The following GTF3C1 variants were observed in gnomAD, a reference collection of about 807,000 sequenced individuals.
GTF3C1 encodes the protein general transcription factor IIIC subunit 1, also known as general transcription factor 3C polypeptide 1.
In GTF3C1, 57 loss-of-function variants were observed where a neutral mutation model predicts 226.7. The ratio of observed to expected loss-of-function variants is 0.25; its 90% confidence interval spans 0.20 to 0.31. The LOEUF (loss-of-function observed/expected upper bound fraction) is 0.31, where lower values mean the gene tolerates loss of function less well. Ranked by LOEUF, GTF3C1 falls within the 10% of genes least tolerant of loss-of-function variation. GTF3C1 has a pLI of 1.00. For synonymous variants in GTF3C1, 1,090 were observed against 1,084.8 expected, an observed-to-expected ratio of 1.00 and a Z score of -0.09; for missense variants, 2,217 against 2,776.1, an observed-to-expected ratio of 0.80 and a Z score of 4.53.
rs763175538 is a variant in GTF3C1 at position 27,506,002 on chromosome 16, G to C, written c.1667C>G (p.Thr556Ser). 6.2e-7 allele frequency: 1 copy of C among 1,612,752 alleles called. No individual in the cohort carries two copies. The highest frequency in any genetic ancestry group is 2.2e-5 in the East Asian group (1 of 44,876). ...CACGTTGGGTTCTGAGACGCTGCTG[G>C]TATCTAAGAGGCTGTCCCTGCTGGC... ...SLASRDSLLD[T>S]SSVSEPNVSF... The change falls in exon 10 of 37, where the codon ACC (threonine) becomes AGC (serine). Residue 556 changes from threonine to serine, a missense_variant. Transcript: ENST00000356183.
chr16:27,461,006 A>C lies in GTF3C1; in HGVS notation c.*344T>G. 1.4e-5 allele frequency: 3 copies of C among 209,186 alleles called. No individual in the cohort carries two copies. The highest frequency in any genetic ancestry group is 1.9e-5 in the Non-Finnish European group (2 of 103,106). 13.0% of individuals were successfully genotyped at this position (209,186 alleles called of 1,614,324 possible). A position where few individuals can be genotyped will look rare whatever the true frequency, so the allele number is the denominator to read the frequency against. ...GTGGCACCTGGGCACTCAAGGAGCCAGGAGATCCTGCCGAGATGGCTAGAG... is the reference window on the plus strand; with the variant it reads ...GTGGCACCTGGGCACTCAAGGAGCCCGGAGATCCTGCCGAGATGGCTAGAG... On this transcript the variant is annotated 3_prime_UTR_variant, in exon 37 of 37. Transcript: ENST00000356183. The surrounding 1 kb of genome is among the most constrained non-coding windows in gnomAD (Gnocchi z 5.3).
At chr16:27,467,519 C>T (rs911199825) in intron 32 of GTF3C1, among the ~76,000 whole-genome samples, 1 of 152,204 alleles carries the variant, frequency 6.6e-6, no homozygotes, top group Non-Finnish European at 1.5e-5. Flanking sequence ...ACACAACATC[C>T]ATTCTGTACC....
chr16:27,506,939 C>T lies in GTF3C1; in HGVS notation c.1460G>A (p.Ser487Asn), dbSNP rs2088494808. 4.3e-6 allele frequency: 7 copies of T among 1,613,750 alleles called. No individual in the cohort carries two copies. Among genetic ancestry groups the T allele is most frequent in the African/African-American group, 1.3e-5 (1 of 74,864 alleles). Residue 487 changes from serine to asparagine, a missense_variant, in exon 9 of 37, where the codon AGC (serine) becomes AAC (asparagine). By Grantham distance (46) the Ser-to-Asn change is conservative. Around this residue, in one of 12 missense-constraint regions of GTF3C1, gnomAD observed 173 missense variants for 207.2 expected, o/e 0.83. Transcript: ENST00000356183. ...CTGGGACCCTCTGCCTCTCCGCTTG[C>T]TGCTGCTCCTCTCCTCCTCACTGTC... ...ESDSEEERSS[S>N]KRRGRGSQKD...
At position 27,492,753 on chromosome 16, in the gene GTF3C1, A is replaced by C. The variant is rs1211573159; in HGVS notation, c.2877-40T>G. On this transcript the variant is annotated intron_variant, in intron 17 of 36. Transcript: ENST00000356183. This position sits in a 1 kb window ranked among gnomAD's most constrained non-coding sequence, Gnocchi z 5.0. ...GGGCGGGAGGTTCTCATCACACCAC[A>C]CTCGCAGCCGGCCGCAGGGGTCTGC... The C allele has an allele frequency of 9.0e-7, 1 of 1,107,160 alleles. No homozygotes were observed. The highest frequency in any genetic ancestry group is 2.3e-5 in the East Asian group (1 of 42,596). The allele number at this position is 1,107,160 out of a possible 1,614,324, so 68.6% of individuals were successfully genotyped here. A position where few individuals can be genotyped will look rare whatever the true frequency, so the allele number is the denominator to read the frequency against.
Position 27,507,788 on chromosome 16 carries a change from G to A in GTF3C1, c.1243-632C>T, listed in dbSNP as rs2088509737. Among the ~76,000 whole-genome samples the A allele has an allele frequency of 6.6e-6, 1 of 152,254 alleles. No homozygotes were observed. Among genetic ancestry groups the A allele is most frequent in the Non-Finnish European group, 1.5e-5 (1 of 68,040 alleles). On this transcript the variant is annotated intron_variant, in intron 8 of 36. Coordinates refer to ENST00000356183, the MANE Select transcript of GTF3C1 (RefSeq NM_001520.4). This position sits in a 1 kb window ranked among gnomAD's most constrained non-coding sequence, Gnocchi z 4.9. ...ATGAGAGTGGCATGTCAGGGGCTGA[G>A]ACCACAGGTCTGAATTACAAAAGAG...
At position 27,486,105 on chromosome 16, in the gene GTF3C1, G is replaced by A. The variant is rs776347540; in HGVS notation, c.3750C>T (p.Ala1250=). 8.1e-6 allele frequency: 13 copies of A among 1,606,668 alleles called. No individual in the cohort carries two copies. Among genetic ancestry groups the A allele is most frequent in the African/African-American group, 6.7e-5 (5 of 74,744 alleles). Residue 1250 remains alanine (A), a synonymous_variant, in exon 24 of 37, where the codon GCC becomes GCT. Transcript: ENST00000356183. The part of the protein sequence containing the change: ...KSKRLRYHDE[A]DQSALQRMTR... ...TCATCCGCTGCAGGGCACTCTGGTC[G>A]GCTTCATCATGGTAGCGCAGCCTTT...
chr16:27,549,826 G>T lies in GTF3C1; in HGVS notation c.65C>A (p.Pro22Gln), dbSNP rs1216553920. 6.2e-7 allele frequency: 1 copy of T among 1,612,928 alleles called. No individual in the cohort carries two copies. Among genetic ancestry groups the T allele is most frequent in the Non-Finnish European group, 8.5e-7 (1 of 1,179,866 alleles). Residue 22 changes from proline (P) to glutamine (Q), a missense_variant, in exon 1 of 37, where the codon CCA becomes CAA. This residue lies in a region of GTF3C1 where 192 missense variants were observed against 251.8 expected (regional missense o/e 0.76). Transcript: ENST00000356183. ...CGTCTCCAGCCGGCTCCACAGCGCT[G>T]GCAGACACAGGCCATCGAGCCCCTC... ...ALEGLDGLCL[P>Q]ALWSRLETRV...
chr16:27,483,294 C>T (rs2088084894), intron 25 of GTF3C1, 169 bp from the exon 26 acceptor site: 1 of 709,796 alleles, frequency 1.4e-6, no homozygotes, highest in African/African-American at 1.8e-5. Context: ...GATTTGGGGT[C>T]AGCCAAGCCT....
chr16:27,493,541 A>G (rs1330848886), intron 16 of GTF3C1, among the ~76,000 whole-genome samples: 1 of 152,322 alleles, frequency 6.6e-6, no homozygotes, highest in African/African-American at 2.4e-5. Context: ...TGGTAGGCAT[A>G]GAAATTGCTA....
intron 13 of GTF3C1, 86 bp from the exon 14 acceptor site, chr16:27,497,907 C>T (rs1287591393): frequency 2.0e-5 from 22 of 1,118,568 alleles, no homozygotes; most frequent in Non-Finnish European, 2.4e-5. Flanking sequence ...GAATCAGATA[C>T]AGCCTCTTGG....
rs1356893482 is a variant in GTF3C1, at chr16:27,549,671, G to T, written c.220C>A (p.Arg74=). Reference sequence around the variant, plus strand: ...CGCCAGGCCAGGCCGCCCGCTGACCGGTCCTGGAGCTGTAGGTCGGGTCGC... The same window carrying T: ...CGCCAGGCCAGGCCGCCCGCTGACCTGTCCTGGAGCTGTAGGTCGGGTCGC... The part of the protein sequence containing the change: ...RERPDLQLQD[R]YEEIDLETGI... The change falls in exon 1 of 37, where the codon CGG becomes AGG. Residue 74 remains arginine, a splice_region_variant and synonymous_variant. Transcript: ENST00000356183. 1.0e-5 allele frequency: 10 copies of T among 992,646 alleles called. No individual in the cohort carries two copies. The highest frequency in any genetic ancestry group is 1.4e-5 in the Non-Finnish European group (10 of 711,930). The allele number at this position is 992,646 out of a possible 1,614,324, so 61.5% of individuals were successfully genotyped here. A position where few individuals can be genotyped will look rare whatever the true frequency, so the allele number is the denominator to read the frequency against.
chr16:27,470,749 T>C lies in GTF3C1; in HGVS notation c.4527-354A>G, dbSNP rs1041423602. On this transcript the variant is annotated intron_variant, in intron 30 of 36. Coordinates refer to ENST00000356183, the MANE Select transcript of GTF3C1 (RefSeq NM_001520.4). This position sits in a 1 kb window ranked among gnomAD's most constrained non-coding sequence, Gnocchi z 4.9. ...GTGAACACGCTTTCTGTAATAATAG[T>C]CTCCGCACAAAGCCAGCCCTGGTCT... 1.9e-5 allele frequency: 5 copies of C among 260,930 alleles called. No homozygotes were observed. Among genetic ancestry groups the C allele is most frequent in the Non-Finnish European group, 3.0e-5 (4 of 135,022 alleles). 16.2% of individuals were successfully genotyped at this position (260,930 alleles called of 1,614,324 possible). A position where few individuals can be genotyped will look rare whatever the true frequency, so the allele number is the denominator to read the frequency against.
At position 27,498,737 on chromosome 16, in the gene GTF3C1, G is replaced by C. The variant is rs1200735752; in HGVS notation, c.2062-4C>G. ...ACGGGTGCACCACCAGATCCACCTG[G>C]AGAGAGAGGTTGGAGCATCCCACAG... On this transcript the variant is annotated splice_polypyrimidine_tract_variant and splice_region_variant and intron_variant, in intron 12 of 36. Transcript: ENST00000356183. 6.7e-7 allele frequency: 1 copy of C among 1,482,282 alleles called. No individual in the cohort carries two copies. The highest frequency in any genetic ancestry group is 9.4e-7 in the Non-Finnish European group (1 of 1,059,790). The allele number at this position is 1,482,282 out of a possible 1,614,324, so 91.8% of individuals were successfully genotyped here.
chr16:27,462,236 G>C lies in GTF3C1; in HGVS notation c.6117+58C>G. 1 of 1,245,548 alleles carries C rather than the reference G, an allele frequency of 8.0e-7. No individual in the cohort carries two copies. Among genetic ancestry groups the C allele is most frequent in the South Asian group, 1.3e-5 (1 of 74,470 alleles). 77.2% of individuals were successfully genotyped at this position (1,245,548 alleles called of 1,614,324 possible). A position where few individuals can be genotyped will look rare whatever the true frequency, so the allele number is the denominator to read the frequency against. On this transcript the variant is annotated intron_variant, in intron 36 of 36. Transcript: ENST00000356183. The surrounding 1 kb of genome is among the most constrained non-coding windows in gnomAD (Gnocchi z 4.5). ...GCCTGGGGCCTGAACATCACAGCCG[G>C]GCCACTGAGTGCACCCAGCCGCCTC...
chr16:27,483,402 C>T lies in GTF3C1; in HGVS notation c.4002-277G>A, dbSNP rs868265485. 2.4e-5 allele frequency: 14 copies of T among 579,106 alleles called. No homozygotes were observed. In the Middle Eastern group the frequency reaches 3.5e-3, roughly 143 times the overall value. 35.9% of individuals were successfully genotyped at this position (579,106 alleles called of 1,614,324 possible). On this transcript the variant is annotated intron_variant, in intron 25 of 36. Coordinates refer to ENST00000356183, the MANE Select transcript of GTF3C1 (RefSeq NM_001520.4). ...ACACTGAGTCCCAAACTGTCTCTCACAGGGGTTTGTCCAGGACCATATGGG... is the reference window on the plus strand; with the variant it reads ...ACACTGAGTCCCAAACTGTCTCTCATAGGGGTTTGTCCAGGACCATATGGG...
chr16:27,482,410 T>C, intron 26 of GTF3C1: 1 of 448,624 alleles, frequency 2.2e-6, no homozygotes, highest in Non-Finnish European at 4.5e-6. Context: ...AAAGCATTGC[T>C]GAGCCTCCTC....
intron 2 of GTF3C1, 87 bp from the exon 3 acceptor site, chr16:27,538,443 C>G: frequency 1.2e-6 from 1 of 808,142 alleles, no homozygotes; most frequent in Non-Finnish European, 1.9e-6. Flanking sequence ...GCAGAATCCT[C>G]ATTTCCTGCT....
intron 4 of GTF3C1, among the ~76,000 whole-genome samples, chr16:27,533,835 A>C (rs902168035): frequency 6.6e-6 from 1 of 152,204 alleles, no homozygotes; most frequent in East Asian, 1.9e-4. Flanking sequence ...GTGAAAACCT[A>C]TCTCTACTAC....
Position 27,508,388 on chromosome 16 carries a change from T to C in GTF3C1, c.1242+152A>G, listed in dbSNP as rs878970972. 7.8e-5 allele frequency: 45 copies of C among 573,452 alleles called. 1 individual carries two copies. In the South Asian group the frequency reaches 9.8e-4, roughly 13 times the overall value. The allele number at this position is 573,452 out of a possible 1,614,324, so 35.5% of individuals were successfully genotyped here. On this transcript the variant is annotated intron_variant, in intron 8 of 36. Coordinates refer to ENST00000356183, the MANE Select transcript of GTF3C1 (RefSeq NM_001520.4). ...ACTACAGTGAAGGCGAGACATAACA[T>C]GGCTATGGACTGCACTCAGCCCTGG...
Sources: allele counts gnomAD v4.1 joint callset (sites outside exome capture counted in the v4.1 genomes callset), GRCh38; gene constraint gnomAD v4.1.1; regional missense constraint gnomAD v4.1.1; non-coding constraint Gnocchi (gnomAD v3.1); transcripts MANE v1.5; gene names NCBI Gene and HGNC (gene_info 2026-07-23, HGNC 2026-07-21).